Variants in BRD8 observed in about 807,000 individuals in gnomAD.
The protein encoded by BRD8 is bromodomain-containing protein 8.
Under a neutral mutation model 143.1 loss-of-function variants are expected in BRD8, and 67 were observed. The observed-to-expected ratio is 0.47, with a 90% CI of 0.38 to 0.57. The LOEUF (loss-of-function observed/expected upper bound fraction) is 0.57, where lower values mean the gene tolerates loss of function less well. Among genes scored for constraint, BRD8 ranks in the 20% least tolerant of loss-of-function variants. The probability of loss-of-function intolerance (pLI) is 0.00; values close to 1 mark genes in which losing one functional copy is unlikely to be tolerated. For missense variants in BRD8, 1,103 were observed against 1,503.0 expected, an observed-to-expected ratio of 0.73 and a Z score of 4.40; for synonymous variants, 505 against 517.1, an observed-to-expected ratio of 0.98 and a Z score of 0.32.
At position 138,157,193 on chromosome 5, in the gene BRD8, G is replaced by A. The variant is rs151262871; in HGVS notation, c.2577+2362C>T. Reference sequence around the variant, plus strand: ...TTTATTTTAGGTTCGGCTCAAAGAGGGTAACTCTGAGGCTTCACTTTTTCA... The same window carrying A: ...TTTATTTTAGGTTCGGCTCAAAGAGAGTAACTCTGAGGCTTCACTTTTTCA... On this transcript the variant is annotated intron_variant, in intron 20 of 26. Transcript: ENST00000254900. The A allele has an allele frequency of 2.0e-5, 33 of 1,612,610 alleles. No homozygotes were observed. In the African/African-American group the frequency reaches 4.1e-4, roughly 20 times the overall value.
chr5:138,154,981 C>T (rs554781845), intron 20 of BRD8, among the ~76,000 whole-genome samples: 1 of 151,950 alleles, frequency 6.6e-6, no homozygotes, highest in African/African-American at 2.4e-5. Flanking sequence ...AGGCGCCCAC[C>T]ACCATGCCTG....
intron 7 of BRD8, 45 bp downstream of exon 7, chr5:138,170,300 T>C (rs1312949035): frequency 8.0e-7 from 1 of 1,253,634 alleles, no homozygotes; most frequent in Non-Finnish European, 1.2e-6. Context: ...TAGCATGCAG[T>C]ACTGTGCAAT....
At chr5:138,141,199 A>C (rs1751893273) in intron 25 of BRD8, among the ~76,000 whole-genome samples, 1 of 151,192 alleles carries the variant, frequency 6.6e-6, no homozygotes, top group African/African-American at 2.4e-5. Flanking sequence ...GAGCAATCTC[A>C]GCTCACTGCA....
intron 19 of BRD8, among the ~76,000 whole-genome samples, chr5:138,159,805 C>T (rs1286361054): frequency 6.6e-6 from 1 of 152,216 alleles, no homozygotes; most frequent in African/African-American, 2.4e-5. Context: ...CAGGCTAAGC[C>T]ATTTCCCCCG....
intron 15 of BRD8, among the ~76,000 whole-genome samples, chr5:138,162,834 T>A (rs921879990): frequency 1.3e-5 from 2 of 151,900 alleles, no homozygotes; most frequent in African/African-American, 4.8e-5. Context: ...TGGTTTCTAC[T>A]AAAAAAATTT....
At chr5:138,142,954 T>C (rs552276554) in intron 25 of BRD8, among the ~76,000 whole-genome samples, 31 of 151,548 alleles carry the variant, frequency 2.0e-4, no homozygotes, top group Non-Finnish European at 3.8e-4. Flanking sequence ...AATAAAGTTA[T>C]TAATAACATT....
Position 138,152,607 on chromosome 5 carries a change from C to T in BRD8, c.2731G>A (p.Glu911Lys). ...CTCTCCGGGCTGCTTTCCTCTAGTTCCTCAGCCTCTGGATCCTCAGTTTCC... is the reference window on the plus strand; with the variant it reads ...CTCTCCGGGCTGCTTTCCTCTAGTTTCTCAGCCTCTGGATCCTCAGTTTCC... ...WRETEDPEAEELEESSPEREP... is the reference protein window; with the variant it reads ...WRETEDPEAEKLEESSPEREP... The change falls in exon 21 of 27, where the codon GAA (glutamate) becomes AAA (lysine). Residue 911 changes from glutamate to lysine, a missense_variant. By Grantham distance (56) the Glu-to-Lys change is moderately conservative (BLOSUM62 1). Transcript: ENST00000254900. 1.9e-6 allele frequency: 3 copies of T among 1,614,172 alleles called. No homozygotes were observed. Among genetic ancestry groups the T allele is most frequent in the Non-Finnish European group, 2.5e-6 (3 of 1,180,042 alleles).
chr5:138,177,507 C>T (rs556813415), intron 2 of BRD8, 64 bp downstream of exon 2: 48 of 937,630 alleles, frequency 5.1e-5, no homozygotes, highest in Non-Finnish European at 7.6e-5. Flanking sequence ...TAGAAATCTA[C>T]CGATGTGAAA....
chr5:138,144,037 G>C (rs1432332943), intron 25 of BRD8, among the ~76,000 whole-genome samples: 1 of 152,156 alleles, frequency 6.6e-6, no homozygotes, highest in Non-Finnish European at 1.5e-5. Flanking sequence ...TTTATGAACT[G>C]TAACACTCAC....
intron 25 of BRD8, among the ~76,000 whole-genome samples, chr5:138,144,691 C>T (rs1234173037): frequency 6.6e-6 from 1 of 152,038 alleles, no homozygotes; most frequent in African/African-American, 2.4e-5. Flanking sequence ...TGCTTGAGCT[C>T]AGGAGTTCAA....
At position 138,152,588 on chromosome 5, in the gene BRD8, G is replaced by A. The variant is rs374460094; in HGVS notation, c.2750C>T (p.Pro917Leu). Residue 917 changes from proline to leucine, a missense_variant, in exon 21 of 27, where the codon CCG (proline) becomes CTG (leucine). Coordinates refer to ENST00000254900, the MANE Select transcript of BRD8 (RefSeq NM_139199.2). ...PEAEELEESSPEREPSELLVG... is the reference protein window; with the variant it reads ...PEAEELEESSLEREPSELLVG... Reference sequence around the variant, plus strand: ...AAGCAGTTCACTAGGTTCTCTCTCCGGGCTGCTTTCCTCTAGTTCCTCAGC... The same window carrying A: ...AAGCAGTTCACTAGGTTCTCTCTCCAGGCTGCTTTCCTCTAGTTCCTCAGC... The A allele has an allele frequency of 2.2e-5, 35 of 1,613,970 alleles. No homozygotes were observed. The Middle Eastern group carries it at 4.9e-4, about 23-fold the overall frequency.
At chr5:138,155,385 G>A (rs1224664769) in intron 20 of BRD8, among the ~76,000 whole-genome samples, 1 of 150,812 alleles carries the variant, frequency 6.6e-6, no homozygotes, top group Non-Finnish European at 1.5e-5. Flanking sequence ...GGAGGCGGAG[G>A]TTGCAGTGAG....
chr5:138,164,449 G>C (rs776779891), intron 12 of BRD8, 36 bp from the exon 13 acceptor site: 6 of 1,573,260 alleles, frequency 3.8e-6, no homozygotes, highest in Non-Finnish European at 5.2e-6. Flanking sequence ...CCTAAGTACT[G>C]ATAAATCGCT....
intron 7 of BRD8, among the ~76,000 whole-genome samples, chr5:138,169,997 C>T (rs1753740745): frequency 6.6e-6 from 1 of 152,218 alleles, no homozygotes; most frequent in South Asian, 2.1e-4. Context: ...AAAGACCTCA[C>T]TGGCGCACAG....
chr5:138,178,540 G>C, intron 1 of BRD8, 56 bp downstream of exon 1: 1 of 1,527,034 alleles, frequency 6.5e-7, no homozygotes. Flanking sequence ...CAAAAATATG[G>C]TGCCTAGCCT....
At chr5:138,174,856 A>C (rs1754184523) in intron 2 of BRD8, among the ~76,000 whole-genome samples, 1 of 151,122 alleles carries the variant, frequency 6.6e-6, no homozygotes, top group Non-Finnish European at 1.5e-5. Context: ...GACTGCCTAG[A>C]CTTCCTGTAT....
At position 138,150,996 on chromosome 5, in the gene BRD8, T is replaced by G. The variant is rs1752349875; in HGVS notation, c.2869A>C (p.Met957Leu). The G allele has an allele frequency of 1.2e-6, 2 of 1,611,054 alleles. No individual in the cohort carries two copies. Among genetic ancestry groups the G allele is most frequent in the African/African-American group, 2.7e-5 (2 of 74,776 alleles). The change falls in exon 22 of 27, where the codon ATG becomes CTG. Residue 957 changes from methionine (M) to leucine (L), a missense_variant. Physicochemically the swap from Met to Leu is conservative, Grantham distance 15 (BLOSUM62 2). This residue lies in a region of BRD8 where 369 missense variants were observed against 445.5 expected (regional missense o/e 0.83). Transcript: ENST00000254900. ...LHFLSEVAYL[M>L]EPLCISSNES... ...TTGCTGCTGATGCACAAGGGCTCCATTAAATAAGCTACCTGCAATCAAAGT... is the reference window on the plus strand; with the variant it reads ...TTGCTGCTGATGCACAAGGGCTCCAGTAAATAAGCTACCTGCAATCAAAGT...
intron 18 of BRD8, among the ~76,000 whole-genome samples, chr5:138,160,389 G>T (rs971295879): frequency 6.6e-6 from 1 of 152,010 alleles, no homozygotes; most frequent in Non-Finnish European, 1.5e-5. Context: ...TATAACATAG[G>T]ATCAAAATCT....
intron 10 of BRD8, 96 bp downstream of exon 10, chr5:138,166,422 A>G: frequency 1.4e-6 from 1 of 723,462 alleles, no homozygotes; most frequent in Non-Finnish European, 2.3e-6. Flanking sequence ...TAGAACAGAG[A>G]AGAAGCATCT....
Sources: allele counts gnomAD v4.1 joint callset (sites outside exome capture counted in the v4.1 genomes callset), GRCh38; gene constraint gnomAD v4.1.1; regional missense constraint gnomAD v4.1.1; transcripts MANE v1.5; gene names NCBI Gene and HGNC (gene_info 2026-07-23, HGNC 2026-07-21).